ABLIM1: variants seen among roughly 807,000 people sequenced by gnomAD.
ABLIM1 encodes actin binding LIM protein 1.
Under a neutral mutation model 107.0 loss-of-function variants are expected in ABLIM1, and 40 were observed. The ratio of observed to expected loss-of-function variants is 0.37; its 90% confidence interval spans 0.29 to 0.49. The LOEUF is 0.49. ABLIM1 is among the 20% of genes least tolerant of loss of function. The pLI, the probability that ABLIM1 is intolerant of heterozygous loss-of-function variation, is 0.97. For missense variants in ABLIM1, 857 were observed against 1,008.5 expected (o/e 0.85, Z 2.04); for synonymous variants, 357 against 357.3 (o/e 1.00, Z 0.01).
At chr10:114,494,113 G>T (rs957113236) in intron 6 of ABLIM1, among the ~76,000 whole-genome samples, 11 of 152,232 alleles carry the variant, frequency 7.2e-5, no homozygotes, top group African/African-American at 2.4e-4. Flanking sequence ...ACATACAAGA[G>T]AATTCAGTTT....
intron 4 of ABLIM1, among the ~76,000 whole-genome samples, chr10:114,567,325 G>A (rs1486268071): frequency 6.6e-6 from 1 of 152,170 alleles, no homozygotes; most frequent in East Asian, 1.9e-4. Context: ...ATGGAACATT[G>A]GGCAAATTAT....
chr10:114,590,223 G>A lies in ABLIM1; in HGVS notation c.379+11604C>T, dbSNP rs149636240. Among the ~76,000 whole-genome samples the A allele has an allele frequency of 5.3e-4, 81 of 152,174 alleles. 2 individuals are homozygous for A. The East Asian group carries it at 0.013, about 25-fold the overall frequency. ...GGTTTGTGGAGGTAGACTCTATGATGTTCACACACAATGGAATGACCTAAT... is the reference window on the plus strand; with the variant it reads ...GGTTTGTGGAGGTAGACTCTATGATATTCACACACAATGGAATGACCTAAT... On this transcript the variant is annotated intron_variant, in intron 2 of 22. Coordinates refer to ENST00000533213, the MANE Select transcript of ABLIM1 (RefSeq NM_002313.7).
chr10:114,779,469 T>C, the ABLIM1 span: 1 of 152,244 alleles, frequency 6.6e-6, no homozygotes, highest in African/African-American at 2.4e-5. Flanking sequence ...ACATTTAAAT[T>C]GTCAAAAATT....
rs1017743545 is a variant in ABLIM1, at chr10:114,557,230, T to C, written c.674-9454A>G. 2.0e-5 allele frequency among the ~76,000 whole-genome samples: 3 copies of C among 152,218 alleles called. No homozygotes were observed. The East Asian group carries it at 5.8e-4, about 29-fold the overall frequency. ...GACCGTGCATAATCACCCATGTCCC[T>C]GTAGGTCAGTGGCTCACCTTGCTGT... is the stretch of plus-strand genomic sequence containing the variant. On this transcript the variant is annotated intron_variant, in intron 4 of 22. Coordinates refer to ENST00000533213, the MANE Select transcript of ABLIM1 (RefSeq NM_002313.7).
chr10:114,462,767 TA>T (rs2064216832), intron 12 of ABLIM1, among the ~76,000 whole-genome samples: 2 of 151,682 alleles, frequency 1.3e-5, no homozygotes, highest in Admixed American at 1.3e-4. Context: ...TATATATATA[TA>T]TATTTTCTTT....
intron 4 of ABLIM1, among the ~76,000 whole-genome samples, chr10:114,550,163 T>C (rs1251888267): frequency 6.6e-6 from 1 of 152,188 alleles, no homozygotes; most frequent in East Asian, 1.9e-4. Flanking sequence ...TAGATGGTCA[T>C]ATGCATATGA....
At chr10:114,577,615 A>G (rs1378086613) in intron 2 of ABLIM1, among the ~76,000 whole-genome samples, 1 of 152,248 alleles carries the variant, frequency 6.6e-6, no homozygotes, top group African/African-American at 2.4e-5. Flanking sequence ...TGAAATTGAC[A>G]TATAGTATCC....
chr10:114,434,794 C>T lies in ABLIM1; in HGVS notation c.*1466G>A, dbSNP rs757102887. 2.6e-5 allele frequency: 4 copies of T among 152,076 alleles called. No homozygotes were observed. Among genetic ancestry groups the T allele is most frequent in the South Asian group, 2.1e-4 (1 of 4,814 alleles). The allele number at this position is 152,076 out of a possible 1,614,324, so 9.4% of individuals were successfully genotyped here. A position where few individuals can be genotyped will look rare whatever the true frequency, so the allele number is the denominator to read the frequency against. Reference sequence around the variant, plus strand: ...GTTGGGGAAACCCTAGGCTCATATTCGAATCTAGTGTTGCAGAGCCTGAGG... The same window carrying T: ...GTTGGGGAAACCCTAGGCTCATATTTGAATCTAGTGTTGCAGAGCCTGAGG... On this transcript the variant is annotated 3_prime_UTR_variant, in exon 23 of 23. Coordinates refer to ENST00000533213, the MANE Select transcript of ABLIM1 (RefSeq NM_002313.7).
chr10:114,713,194 G>A (rs1037632343), intron 1 of ABLIM1, among the ~76,000 whole-genome samples: 1 of 152,178 alleles, frequency 6.6e-6, no homozygotes, highest in African/African-American at 2.4e-5. Context: ...AAATGCCTGG[G>A]AAGAAGGAAT....
At chr10:114,787,743 C>CGGGA in the ABLIM1 span, among the ~76,000 whole-genome samples, 10 of 63,078 alleles carry the variant, frequency 1.6e-4, no homozygotes, top group East Asian at 2.5e-4. Context: ...CCGCCCCGTC[C>CGGGA]GGGAGGTGAG....
chr10:114,644,324 T>TATATGTATATATTGTATATATAC, intron 1 of ABLIM1, among the ~76,000 whole-genome samples: 1 of 119,404 alleles, frequency 8.4e-6, no homozygotes, highest in African/African-American at 3.9e-5. Flanking sequence ...TATATATATA[T>TATATGTATATATTGTATATATAC]ATATATGTGT....
chr10:114,567,203 C>A (rs1234136311), intron 4 of ABLIM1, among the ~76,000 whole-genome samples: 1 of 152,166 alleles, frequency 6.6e-6, no homozygotes, highest in African/African-American at 2.4e-5. Flanking sequence ...TCAGCACTCA[C>A]GTCTTTGAAA....
intron 2 of ABLIM1, among the ~76,000 whole-genome samples, chr10:114,584,135 A>C (rs537647420): frequency 1.3e-5 from 2 of 149,198 alleles, no homozygotes; most frequent in Non-Finnish European, 3.0e-5. Context: ...AAAATTAAGA[A>C]AAAAGAAAAG....
Position 114,451,643 on chromosome 10 carries a change from T to A in ABLIM1, c.1575A>T (p.Pro525=), listed in dbSNP as rs755972850. 39 of 1,613,386 alleles carry A rather than the reference T, an allele frequency of 2.4e-5. No homozygotes were observed. The highest frequency in any genetic ancestry group is 3.2e-5 in the Non-Finnish European group (38 of 1,179,710). ...TTTTACCATGCTGTTTGTAGATGGG[T>A]GGCTTTCGGTAAATGTTGATTCCTT... ...PDQGINIYRK[P]PIYKQHAALA... is the part of the protein sequence containing the mutation. The change falls in exon 14 of 23, where the codon CCA becomes CCT. Residue 525 remains proline, a synonymous_variant. Transcript: ENST00000533213.
intron 1 of ABLIM1, among the ~76,000 whole-genome samples, chr10:114,615,360 C>A (rs547819343): frequency 6.6e-6 from 1 of 152,128 alleles, no homozygotes; most frequent in Non-Finnish European, 1.5e-5. Context: ...CAGCTGTTTG[C>A]GAGCCCAGCT....
chr10:114,697,584 A>G (rs544248546), intron 1 of ABLIM1, among the ~76,000 whole-genome samples: 2 of 152,362 alleles, frequency 1.3e-5, no homozygotes, highest in East Asian at 3.9e-4. Context: ...GGTGTGTGCC[A>G]ATGGCTTCTA....
chr10:114,744,685 C>T (rs2082348446), intron 1 of ABLIM1, among the ~76,000 whole-genome samples: 1 of 152,144 alleles, frequency 6.6e-6, no homozygotes, highest in Admixed American at 6.5e-5. Flanking sequence ...GTTTCTAATA[C>T]TTATTCTCGA....
At chr10:114,504,928 T>C (rs1044754821) in intron 6 of ABLIM1, among the ~76,000 whole-genome samples, 2 of 152,182 alleles carry the variant, frequency 1.3e-5, no homozygotes, top group Non-Finnish European at 2.9e-5. Context: ...TAAATTCACT[T>C]TGAGTCATAT....
rs116919607 is a variant in ABLIM1, at chr10:114,599,028, G to A, written c.379+2799C>T. Among the ~76,000 whole-genome samples the A allele has an allele frequency of 2.6e-3, 392 of 152,078 alleles. 12 individuals carry two copies. In the East Asian group the frequency reaches 0.041, roughly 16 times the overall value. ...TTGGGAAAAGTCACAGACTCCCTACGGGATAAGGCATGGGGAACCTAAACC... is the reference window on the plus strand; with the variant it reads ...TTGGGAAAAGTCACAGACTCCCTACAGGATAAGGCATGGGGAACCTAAACC... On this transcript the variant is annotated intron_variant, in intron 2 of 22. Transcript: ENST00000533213.
Sources: allele counts gnomAD v4.1 joint callset (sites outside exome capture counted in the v4.1 genomes callset), GRCh38; gene constraint gnomAD v4.1.1; transcripts MANE v1.5; gene names NCBI Gene and HGNC (gene_info 2026-07-23, HGNC 2026-07-21).